The following LRP1B variants were observed in gnomAD, a reference collection of about 807,000 sequenced individuals.
LRP1B encodes low-density lipoprotein receptor-related protein 1B.
LRP1B carries 217 observed loss-of-function variants against 556.6 expected under a neutral mutation model. That is an observed-to-expected ratio of 0.39 (90% CI 0.35 to 0.44). The LOEUF (loss-of-function observed/expected upper bound fraction) is 0.44, where lower values mean the gene tolerates loss of function less well. LRP1B is among the 20% of genes least tolerant of loss of function. The pLI, the probability that LRP1B is intolerant of heterozygous loss-of-function variation, is 1.00. For missense variants in LRP1B, 5,053 were observed against 5,620.8 expected, an observed-to-expected ratio of 0.90 and a Z score of 3.23; for synonymous variants, 2,047 against 1,865.8, an observed-to-expected ratio of 1.10 and a Z score of -2.50.
At chr2:141,694,110 C>A (rs1691644679) in intron 2 of LRP1B, among the ~76,000 whole-genome samples, 1 of 152,046 alleles carries the variant, frequency 6.6e-6, no homozygotes, top group Non-Finnish European at 1.5e-5. Context: ...TCTGCCATTT[C>A]TCTCCCTTTC....
At chr2:141,881,716 A>G (rs1231770827) in intron 1 of LRP1B, among the ~76,000 whole-genome samples, 1 of 152,104 alleles carries the variant, frequency 6.6e-6, no homozygotes, top group African/African-American at 2.4e-5. Context: ...AAATCCCCAT[A>G]TAAGCTTTCT....
rs1196321476 is a variant in LRP1B at position 140,487,669 on chromosome 2, C to A, written c.9191G>T (p.Arg3064Leu). Residue 3064 changes from arginine (R) to leucine (L), a missense_variant, in exon 58 of 91, where the codon CGA becomes CTA. Arg to Leu is a moderately radical substitution (Grantham distance 102). This residue lies in a region of LRP1B where 3,619 missense variants were observed against 3,931.9 expected (regional missense o/e 0.92). Transcript: ENST00000389484. ...TCTATTTATGCGACTGCCATTGGGTCGGCTAGAATCGATCCAATAGATGAA... is the reference window on the plus strand; with the variant it reads ...TCTATTTATGCGACTGCCATTGGGTAGGCTAGAATCGATCCAATAGATGAA... ...EEFIYWIDSSRPNGSRINRMC... is the reference protein window; with the variant it reads ...EEFIYWIDSSLPNGSRINRMC... 1.2e-6 allele frequency: 2 copies of A among 1,604,994 alleles called. No homozygotes were observed. Among genetic ancestry groups the A allele is most frequent in the South Asian group, 1.1e-5 (1 of 90,522 alleles).
chr2:141,023,887 C>T (rs1473724665), intron 11 of LRP1B, among the ~76,000 whole-genome samples: 1 of 151,972 alleles, frequency 6.6e-6, no homozygotes, highest in Admixed American at 6.6e-5. Flanking sequence ...TTAGCATGAA[C>T]ATTATTTTTC....
intron 2 of LRP1B, among the ~76,000 whole-genome samples, chr2:141,773,853 T>A (rs1694977072): frequency 6.6e-6 from 1 of 152,184 alleles, no homozygotes; most frequent in African/African-American, 2.4e-5. Flanking sequence ...ACAAAGAATA[T>A]TGAAAAACAA....
intron 2 of LRP1B, among the ~76,000 whole-genome samples, chr2:141,523,792 T>C (rs1360117616): frequency 1.3e-5 from 2 of 152,180 alleles, no homozygotes; most frequent in Non-Finnish European, 2.9e-5. Flanking sequence ...ATGAATTACA[T>C]GTTCTCCCTG....
intron 7 of LRP1B, among the ~76,000 whole-genome samples, chr2:141,181,446 G>A (rs1464479938): frequency 6.6e-6 from 1 of 151,878 alleles, no homozygotes; most frequent in Non-Finnish European, 1.5e-5. Context: ...ATCCTTATAG[G>A]TAGTGACTAG....
At chr2:141,711,003 C>T (rs183444104) in intron 2 of LRP1B, among the ~76,000 whole-genome samples, 7 of 152,210 alleles carry the variant, frequency 4.6e-5, no homozygotes, top group African/African-American at 1.2e-4. Context: ...TATTTCTAGC[C>T]TTATGTATGC....
chr2:141,223,243 T>C (rs935694789), intron 6 of LRP1B, among the ~76,000 whole-genome samples: 38 of 151,782 alleles, frequency 2.5e-4, no homozygotes, highest in African/African-American at 8.7e-4. Context: ...ACACCAACAA[T>C]ATGCAAGCAG....
At chr2:142,015,376 A>G (rs1348837202) in intron 1 of LRP1B, among the ~76,000 whole-genome samples, 1 of 152,196 alleles carries the variant, frequency 6.6e-6, no homozygotes, top group Non-Finnish European at 1.5e-5. Flanking sequence ...TTAACTCCAG[A>G]TGGATTAAAG....
intron 63 of LRP1B, among the ~76,000 whole-genome samples, chr2:140,445,515 A>G (rs1020434041): frequency 6.6e-6 from 1 of 152,154 alleles, no homozygotes; most frequent in Non-Finnish European, 1.5e-5. Flanking sequence ...TCCGATTATT[A>G]TACAAGAGAA....
intron 3 of LRP1B, among the ~76,000 whole-genome samples, chr2:141,425,549 G>A (rs1183327661): frequency 7.4e-5 from 11 of 149,086 alleles, no homozygotes; most frequent in Non-Finnish European, 1.6e-4. Flanking sequence ...GTGTAAAAGT[G>A]TTCCTATTTC....
rs1217792565 is a variant in LRP1B at position 141,810,165 on chromosome 2, G to GA, written c.205+113dup. 6.4e-3 allele frequency: 2,318 copies of GA among 364,450 alleles called. 116 individuals are homozygous for GA. The Middle Eastern group carries it at 0.068, about 11-fold the overall frequency. 22.6% of individuals were successfully genotyped at this position (364,450 alleles called of 1,614,324 possible). A position where few individuals can be genotyped will look rare whatever the true frequency, so the allele number is the denominator to read the frequency against. Reference sequence around the variant, plus strand: ...AGAAAGAAAGAAAGAAAGAAAGAAAGAAGGAAAGAAAGAAAGAAAGAATCA... The same window carrying GA: ...AGAAAGAAAGAAAGAAAGAAAGAAAGAAAGGAAAGAAAGAAAGAAAGAATCA... On this transcript the variant is annotated intron_variant, in intron 2 of 90. Coordinates refer to ENST00000389484, the MANE Select transcript of LRP1B (RefSeq NM_018557.3).
intron 35 of LRP1B, among the ~76,000 whole-genome samples, chr2:140,722,242 A>T (rs147842349): frequency 6.2e-4 from 95 of 152,258 alleles, no homozygotes; most frequent in African/African-American, 2.2e-3. Context: ...CATTTTGAAC[A>T]TTGAGGTTAT....
intron 60 of LRP1B, among the ~76,000 whole-genome samples, chr2:140,470,414 C>T (rs367764260): frequency 5.9e-5 from 9 of 151,866 alleles, no homozygotes; most frequent in Middle Eastern, 3.2e-3. Flanking sequence ...GAGGCCTAGG[C>T]GGGCGAAAAT....
At chr2:141,045,819 G>C (rs1462934568) in intron 11 of LRP1B, among the ~76,000 whole-genome samples, 1 of 152,030 alleles carries the variant, frequency 6.6e-6, no homozygotes, top group Non-Finnish European at 1.5e-5. Context: ...GGAATAGTAT[G>C]AATTTTACAA....
chr2:142,074,298 C>T lies in LRP1B; in HGVS notation c.82+56350G>A, dbSNP rs149656135. Among the ~76,000 whole-genome samples the T allele has an allele frequency of 3.4e-4, 51 of 152,144 alleles. 1 individual carries two copies. The East Asian group carries it at 7.4e-3, about 22-fold the overall frequency. On this transcript the variant is annotated intron_variant, in intron 1 of 90. Transcript: ENST00000389484. ...CTTTCCCAGTAGGCTTTGCCTAGCTCCTTGCTTTGGGGTTTCCATCTACTT... is the reference window on the plus strand; with the variant it reads ...CTTTCCCAGTAGGCTTTGCCTAGCTTCTTGCTTTGGGGTTTCCATCTACTT...
At chr2:142,049,749 C>A (rs1366494369) in intron 1 of LRP1B, among the ~76,000 whole-genome samples, 2 of 152,070 alleles carry the variant, frequency 1.3e-5, no homozygotes, top group Non-Finnish European at 2.9e-5. Context: ...CAGGCAACAG[C>A]CATTTATTGA....
intron 2 of LRP1B, among the ~76,000 whole-genome samples, chr2:141,577,926 G>C (rs1174460232): frequency 6.6e-6 from 1 of 152,122 alleles, no homozygotes; most frequent in African/African-American, 2.4e-5. Flanking sequence ...CTCAGCCTTA[G>C]ACATAATGAT....
At chr2:140,581,811 A>G (rs1257157865) in intron 43 of LRP1B, among the ~76,000 whole-genome samples, 1 of 152,032 alleles carries the variant, frequency 6.6e-6, no homozygotes, top group African/African-American at 2.4e-5. Flanking sequence ...TTCATTAAGT[A>G]TCACAGGGAT....
Sources: gnomAD v4.1 joint callset for allele counts (sites outside exome capture counted in the v4.1 genomes callset) on GRCh38, gnomAD v4.1.1 for gene constraint, gnomAD v4.1.1 regional missense constraint, MANE v1.5 for transcripts, NCBI Gene and HGNC (gene_info 2026-07-23, HGNC 2026-07-21) for gene names.